Variants in RANGAP1 observed in about 807,000 individuals in gnomAD.
RANGAP1 encodes the protein Ran GTPase activating protein 1.
Under a neutral mutation model 63.5 loss-of-function variants are expected in RANGAP1, and 38 were observed. The ratio of observed to expected loss-of-function variants is 0.60; its 90% CI spans 0.46 to 0.78. The LOEUF is 0.78. Among genes scored for constraint, RANGAP1 ranks in the 30% least tolerant of loss-of-function variants. The pLI is 0.00. For synonymous variants in RANGAP1, 329 were observed against 310.5 expected (o/e 1.06, Z -0.63); for missense variants, 630 against 740.3 (o/e 0.85, Z 1.73).
the RANGAP1 span, among the ~76,000 whole-genome samples, chr22:41,291,734 T>TA: frequency 1.3e-5 from 2 of 150,162 alleles, no homozygotes. Flanking sequence ...CCGTCTCTAC[T>TA]AAAAAAATAC....
intron 2 of RANGAP1, among the ~76,000 whole-genome samples, chr22:41,279,295 C>A (rs2035347133): frequency 6.6e-6 from 1 of 152,088 alleles, no homozygotes. Context: ...CATGGTAAAA[C>A]CCCATCCCTA....
chr22:41,277,596 T>A, intron 2 of RANGAP1: 1 of 918,212 alleles, frequency 1.1e-6, no homozygotes, highest in Non-Finnish European at 1.5e-6. Flanking sequence ...AGAAGGGTCT[T>A]GAGAAAGGAC....
At chr22:41,253,040 C>A (rs1226659948) in intron 11 of RANGAP1, 49 bp from the exon 12 acceptor site, 20 of 1,378,940 alleles carry the variant, frequency 1.5e-5, no homozygotes, top group South Asian at 3.5e-5. Flanking sequence ...ACCCCAGACT[C>A]CCCGACACAG....
intron 3 of RANGAP1, among the ~76,000 whole-genome samples, chr22:41,269,446 T>C (rs1423219496): frequency 6.6e-6 from 1 of 152,036 alleles, no homozygotes; most frequent in Non-Finnish European, 1.5e-5. Context: ...TCAAAATACC[T>C]AGAAGATGCC....
At chr22:41,289,516 G>T (rs1019104963), upstream of RANGAP1, among the ~76,000 whole-genome samples, 1 of 151,904 alleles carries the variant, frequency 6.6e-6, no homozygotes. Flanking sequence ...CCAGCTACTC[G>T]GGAGGCTGGG....
intron 6 of RANGAP1, among the ~76,000 whole-genome samples, chr22:41,258,673 G>A (rs549653716): frequency 2.4e-4 from 36 of 148,036 alleles, no homozygotes; most frequent in African/African-American, 8.5e-4. Flanking sequence ...TTCCTTTTTT[G>A]AGACGGAGTC....
intron 10 of RANGAP1, among the ~76,000 whole-genome samples, chr22:41,255,410 T>C (rs2033761447): frequency 6.6e-6 from 1 of 152,012 alleles, no homozygotes. Context: ...ATCCAGGAGA[T>C]GGCCACTCCC....
At chr22:41,252,759 T>C (rs1247224738) in intron 12 of RANGAP1, 113 bp downstream of exon 12, 8 of 1,262,958 alleles carry the variant, frequency 6.3e-6, no homozygotes, top group Non-Finnish European at 7.2e-6. Flanking sequence ...CAAGCCTCCC[T>C]GCCCCCAGCT....
the RANGAP1 span, among the ~76,000 whole-genome samples, chr22:41,298,739 G>A: frequency 2.0e-5 from 3 of 152,028 alleles, no homozygotes; most frequent in Non-Finnish European, 2.9e-5. Flanking sequence ...GGGCTCAAGC[G>A]ATCTGCCCAC....
chr22:41,268,005 T>G lies in RANGAP1; in HGVS notation c.300+92A>C, dbSNP rs978077181. 8.2e-6 allele frequency: 11 copies of G among 1,340,094 alleles called. No homozygotes were observed. The African/African-American group carries it at 1.6e-4, about 20-fold the overall frequency. 83.0% of individuals were successfully genotyped at this position (1,340,094 alleles called of 1,614,324 possible). On this transcript the variant is annotated intron_variant, in intron 4 of 15. Transcript: ENST00000356244. ...GCTCAGTCACCCACAGGGCTAATCTTAGGCTCCAGAAAGAATAAAGCATGA... is the reference window on the plus strand; with the variant it reads ...GCTCAGTCACCCACAGGGCTAATCTGAGGCTCCAGAAAGAATAAAGCATGA...
the RANGAP1 span, among the ~76,000 whole-genome samples, chr22:41,296,503 C>T: frequency 2.6e-5 from 4 of 151,802 alleles, no homozygotes; most frequent in South Asian, 2.1e-4. Context: ...AAAAATTAGC[C>T]GGGTGTGGTG....
chr22:41,299,712 T>G, the RANGAP1 span, among the ~76,000 whole-genome samples: 1 of 152,170 alleles, frequency 6.6e-6, no homozygotes. Context: ...AACATGGGGC[T>G]TCCCAGAAAG....
the RANGAP1 span, among the ~76,000 whole-genome samples, chr22:41,293,647 C>T: frequency 2.0e-5 from 3 of 149,730 alleles, no homozygotes; most frequent in Non-Finnish European, 3.0e-5. Flanking sequence ...AATGTGGTGG[C>T]GGGCGCCTGT....
intron 4 of RANGAP1, among the ~76,000 whole-genome samples, chr22:41,266,064 T>C (rs74731495): frequency 7.2e-5 from 11 of 152,104 alleles, no homozygotes; most frequent in African/African-American, 2.4e-4. Flanking sequence ...TAGCCGGGCA[T>C]GGTGGCGGGC....
At chr22:41,286,551 A>G (rs1247345228), upstream of RANGAP1, among the ~76,000 whole-genome samples, 3 of 152,248 alleles carry the variant, frequency 2.0e-5, no homozygotes, top group African/African-American at 4.8e-5. Flanking sequence ...AACTTTGTTG[A>G]TAACAGGTAC....
upstream of RANGAP1, among the ~76,000 whole-genome samples, chr22:41,289,663 T>C (rs963962630): frequency 2.0e-5 from 3 of 152,108 alleles, no homozygotes; most frequent in Non-Finnish European, 4.4e-5. Flanking sequence ...AACACACTTA[T>C]CTTCTCTCTT....
intron 2 of RANGAP1, chr22:41,277,487 G>A: frequency 8.3e-7 from 1 of 1,197,606 alleles, no homozygotes; most frequent in Non-Finnish European, 1.1e-6. Context: ...GAAACAAAAA[G>A]TTGAGTCTGG....
chr22:41,269,811 T>C (rs1424038241), intron 3 of RANGAP1, among the ~76,000 whole-genome samples: 13 of 151,624 alleles, frequency 8.6e-5, no homozygotes, highest in Non-Finnish European at 1.5e-5. Context: ...TTTAAGGTGA[T>C]GGATACCTCA....
At chr22:41,298,397 C>T in the RANGAP1 span, among the ~76,000 whole-genome samples, 4 of 152,168 alleles carry the variant, frequency 2.6e-5, no homozygotes, top group Admixed American at 1.3e-4. Context: ...TCACTGCAAC[C>T]TCCACCTCCC....
Sources: allele counts gnomAD v4.1 joint callset (sites outside exome capture counted in the v4.1 genomes callset), GRCh38; gene constraint gnomAD v4.1.1; transcripts MANE v1.5; gene names NCBI Gene and HGNC (gene_info 2026-07-23, HGNC 2026-07-21).